The following WNT7A variants were observed in gnomAD, a reference collection of about 807,000 sequenced individuals.
WNT7A encodes the protein Wnt family member 7A.
Under a neutral mutation model 28.2 loss-of-function variants are expected in WNT7A, and 16 were observed. The ratio of observed to expected loss-of-function variants is 0.57; its 90% CI spans 0.38 to 0.86. The LOEUF is 0.86. Ranked by LOEUF, WNT7A falls within the 40% of genes least tolerant of loss-of-function variation. The pLI is 0.00. For synonymous variants in WNT7A, 190 were observed against 195.9 expected, an observed-to-expected ratio of 0.97 and a Z score of 0.25; for missense variants, 411 against 489.7, an observed-to-expected ratio of 0.84 and a Z score of 1.52.
At chr3:13,829,517 G>A (rs557657177) in intron 3 of WNT7A, among the ~76,000 whole-genome samples, 5 of 152,188 alleles carry the variant, frequency 3.3e-5, no homozygotes, top group South Asian at 2.1e-4. Flanking sequence ...GGATGAGTGC[G>A]CACAGGGCTA....
At position 13,818,989 on chromosome 3, in the gene WNT7A, C is replaced by T. The variant is rs755277783; in HGVS notation, c.1005G>A (p.Lys335=). The change falls in exon 4 of 4, where the codon AAG becomes AAA. Residue 335 remains lysine, a synonymous_variant. Coordinates refer to ENST00000285018, the MANE Select transcript of WNT7A (RefSeq NM_004625.4). ...NCKFHWCCYV[K]CNTCSERTEM... ...CCGTGCGCTCGCTGCACGTGTTGCACTTGACATAGCAGCACCAGTGGAACT... is the reference window on the plus strand; with the variant it reads ...CCGTGCGCTCGCTGCACGTGTTGCATTTGACATAGCAGCACCAGTGGAACT... 6 of 1,605,966 alleles carry T rather than the reference C, an allele frequency of 3.7e-6. No individual in the cohort carries two copies. In the South Asian group the frequency reaches 6.6e-5, roughly 18 times the overall value.
chr3:13,847,742 G>C (rs1694564026), intron 3 of WNT7A, among the ~76,000 whole-genome samples: 1 of 152,080 alleles, frequency 6.6e-6, no homozygotes, highest in Non-Finnish European at 1.5e-5. Context: ...TCTTATGTGG[G>C]GCGCCTAGAG....
At chr3:13,849,204 A>G (rs1484864740) in intron 3 of WNT7A, among the ~76,000 whole-genome samples, 2 of 152,176 alleles carry the variant, frequency 1.3e-5, no homozygotes, top group African/African-American at 4.8e-5. Context: ...TAGTTTTGCA[A>G]GCTGTCACCA....
At chr3:13,838,065 G>A (rs1694397438) in intron 3 of WNT7A, among the ~76,000 whole-genome samples, 1 of 152,228 alleles carries the variant, frequency 6.6e-6, no homozygotes, top group Admixed American at 6.5e-5. Flanking sequence ...TTCCAGTCGG[G>A]CAAATGGAAA....
At position 13,819,206 on chromosome 3, in the gene WNT7A, G is replaced by C; in HGVS notation, c.788C>G (p.Pro263Arg). The C allele has an allele frequency of 6.2e-7, 1 of 1,614,246 alleles. No homozygotes were observed. Among genetic ancestry groups the C allele is most frequent in the Non-Finnish European group, 8.5e-7 (1 of 1,180,046 alleles). Residue 263 changes from proline (P) to arginine (R), a missense_variant, in exon 4 of 4, where the codon CCC (proline) becomes CGC (arginine). Pro to Arg is a moderately radical substitution (Grantham distance 103). Transcript: ENST00000285018. ...KIKKPLSYRKPMDTDLVYIEK... is the reference protein window; with the variant it reads ...KIKKPLSYRKRMDTDLVYIEK... ...GATGTACACCAGGTCCGTGTCCATG[G>C]GCTTGCGGTACGACAGTGGCTTCTT...
intron 3 of WNT7A, among the ~76,000 whole-genome samples, chr3:13,848,772 C>T (rs1200995444): frequency 6.6e-6 from 1 of 152,008 alleles, no homozygotes; most frequent in Admixed American, 6.5e-5. Context: ...CATTCACACA[C>T]ACAAAAAAAA....
At chr3:13,836,489 T>A (rs1694373352) in intron 3 of WNT7A, among the ~76,000 whole-genome samples, 1 of 152,196 alleles carries the variant, frequency 6.6e-6, no homozygotes, top group African/African-American at 2.4e-5. Flanking sequence ...TGTCTGCTAT[T>A]TTAAAAAGCT....
At chr3:13,859,945 A>C (rs903685344) in intron 2 of WNT7A, among the ~76,000 whole-genome samples, 8 of 152,194 alleles carry the variant, frequency 5.3e-5, no homozygotes, top group Non-Finnish European at 1.0e-4. Context: ...GGATCTAACC[A>C]GGCAGGTGTG....
chr3:13,879,831 G>T lies in WNT7A; in HGVS notation c.-15C>A, dbSNP rs1695180984. The T allele has an allele frequency of 1.9e-6, 3 of 1,606,756 alleles. No homozygotes were observed. The highest frequency in any genetic ancestry group is 2.7e-5 in the African/African-American group (2 of 74,714). The stretch of plus-strand genomic sequence containing the variant: ...TTCCGGTTCATAGTCCCGATTGGCC[G>T]CCGGGGCCGCGGGCCGGGCTGTGCT... On this transcript the variant is annotated 5_prime_UTR_variant, in exon 1 of 4. Transcript: ENST00000285018.
At chr3:13,870,026 A>T (rs1004589691) in intron 2 of WNT7A, among the ~76,000 whole-genome samples, 1 of 152,018 alleles carries the variant, frequency 6.6e-6, no homozygotes, top group African/African-American at 2.4e-5. Context: ...CCACCCTCCA[A>T]GTCCCAGATC....
At chr3:13,857,322 C>T (rs1694761795) in intron 2 of WNT7A, among the ~76,000 whole-genome samples, 1 of 152,138 alleles carries the variant, frequency 6.6e-6, no homozygotes, top group Non-Finnish European at 1.5e-5. Flanking sequence ...TGTCAGGAGA[C>T]CAGGCTTTGA....
Position 13,850,694 on chromosome 3 carries a change from C to T in WNT7A, c.570+3838G>A, listed in dbSNP as rs74536995. On this transcript the variant is annotated intron_variant, in intron 3 of 3. Transcript: ENST00000285018. ...CTGAGAGCCTCCACCCTCCCCCAGG[C>T]CCCCGGAGCTCCCTGGTGCACTTCT... 8.3e-3 allele frequency among the ~76,000 whole-genome samples: 1,262 copies of T among 152,150 alleles called. 16 individuals are homozygous for T. The highest frequency in any genetic ancestry group is 0.028 in the African/African-American group (1,147 of 41,498).
rs573474374 is a variant in WNT7A at position 13,849,931 on chromosome 3, G to A, written c.570+4601C>T. On this transcript the variant is annotated intron_variant, in intron 3 of 3. Coordinates refer to ENST00000285018, the MANE Select transcript of WNT7A (RefSeq NM_004625.4). The stretch of plus-strand genomic sequence containing the variant: ...GAGAGAAGCTGCAGACAGGGTTGGG[G>A]TACAATGGTCCCAAGAACCCCATGT... Among the ~76,000 whole-genome samples, 20 of 152,242 alleles carry A rather than the reference G, an allele frequency of 1.3e-4. No individual in the cohort carries two copies. The South Asian group carries it at 3.7e-3, about 28-fold the overall frequency.
intron 2 of WNT7A, among the ~76,000 whole-genome samples, chr3:13,865,880 T>A (rs1694903741): frequency 6.6e-6 from 1 of 152,098 alleles, no homozygotes; most frequent in Non-Finnish European, 1.5e-5. Context: ...AAGACTAATG[T>A]CAGATGGGTT....
chr3:13,850,094 G>A (rs1694603509), intron 3 of WNT7A, among the ~76,000 whole-genome samples: 1 of 152,248 alleles, frequency 6.6e-6, no homozygotes. Context: ...CTGAGTCCTG[G>A]CTGCAAGCCT....
intron 2 of WNT7A, among the ~76,000 whole-genome samples, chr3:13,869,836 C>A (rs1311374730): frequency 1.3e-5 from 2 of 152,204 alleles, no homozygotes; most frequent in Non-Finnish European, 2.9e-5. Flanking sequence ...ACACCCCACT[C>A]AAACAATCCC....
chr3:13,818,922 G>T lies in WNT7A; in HGVS notation c.*22C>A. The T allele has an allele frequency of 6.4e-7, 1 of 1,551,294 alleles. No individual in the cohort carries two copies. Among genetic ancestry groups the T allele is most frequent in the Non-Finnish European group, 8.7e-7 (1 of 1,143,232 alleles). On this transcript the variant is annotated 3_prime_UTR_variant, in exon 4 of 4. Transcript: ENST00000285018. The stretch of plus-strand genomic sequence containing the variant: ...CTCCCAGCAATCTGACTTGCAGCGG[G>T]AGGGTGGTGTGCACACGGGGCTCAC...
At chr3:13,852,434 G>A (rs1694653385) in intron 3 of WNT7A, among the ~76,000 whole-genome samples, 1 of 152,218 alleles carries the variant, frequency 6.6e-6, no homozygotes, top group Non-Finnish European at 1.5e-5. Context: ...CTGTTGGGAG[G>A]GGGCTTCTGG....
rs1491101426 is a variant in WNT7A at position 13,856,880 on chromosome 3, G to GGAAGAAGAAGAAGAAAAAGAAGAA, written c.299-2078_299-2077insTTCTTCTTTTTCTTCTTCTTCTTC. Among the ~76,000 whole-genome samples the GGAAGAAGAAGAAGAAAAAGAAGAA allele has an allele frequency of 4.6e-4, 42 of 91,658 alleles. 1 individual carries two copies. Among genetic ancestry groups the GGAAGAAGAAGAAGAAAAAGAAGAA allele is most frequent in the Non-Finnish European group, 4.5e-4 (21 of 46,814 alleles). 60.1% of individuals were successfully genotyped at this position (91,658 alleles called of 152,430 possible). On this transcript the variant is annotated intron_variant, in intron 2 of 3. Coordinates refer to ENST00000285018, the MANE Select transcript of WNT7A (RefSeq NM_004625.4). ...AAGAGGAAGAGGAAGAGGAAGAAGA[G>GGAAGAAGAAGAAGAAAAAGAAGAA]GAAGAAGAAGAAAAAGAAGAAGAAG...
Sources: gnomAD v4.1 joint callset for allele counts (sites outside exome capture counted in the v4.1 genomes callset) on GRCh38, gnomAD v4.1.1 for gene constraint, MANE v1.5 for transcripts, NCBI Gene and HGNC (gene_info 2026-07-23, HGNC 2026-07-21) for gene names.